Variants in MARCHF6 observed in about 807,000 individuals in gnomAD.
MARCHF6 encodes the protein E3 ubiquitin-protein ligase MARCHF6.
In MARCHF6, 31 loss-of-function variants were observed where a neutral mutation model predicts 133.7. The observed-to-expected ratio is 0.23, with a 90% CI of 0.17 to 0.31. The LOEUF (loss-of-function observed/expected upper bound fraction) is 0.31. Among genes scored for constraint, MARCHF6 ranks in the 10% least tolerant of loss-of-function variants. MARCHF6 has a pLI of 1.00. For missense variants in MARCHF6, 723 were observed against 1,121.6 expected (o/e 0.64, Z 5.08); for synonymous variants, 395 against 402.5 (o/e 0.98, Z 0.22).
rs780582814 is a variant in MARCHF6 at position 10,405,680 on chromosome 5, A to G, written c.1452+3A>G. 6.3e-7 allele frequency: 1 copy of G among 1,581,814 alleles called. No individual in the cohort carries two copies. The highest frequency in any genetic ancestry group is 2.0e-5 in the Admixed American group (1 of 50,656). On this transcript the variant is annotated splice_donor_region_variant and intron_variant, in intron 16 of 25. Transcript: ENST00000274140. ...TCCGAAGATTTATTTTGTCAGTGGT[A>G]AGAAGATGTTTCCATTGTTTTTTTT...
intron 11 of MARCHF6, chr5:10,401,142 T>TCTTTCC: frequency 3.6e-6 from 1 of 278,642 alleles, no homozygotes; most frequent in Non-Finnish European, 6.8e-6. Flanking sequence ...TATGTTCTCT[T>TCTTTCC]CTTTCCCTTT....
chr5:10,356,696 G>T (rs1224055712), intron 1 of MARCHF6, among the ~76,000 whole-genome samples: 1 of 151,968 alleles, frequency 6.6e-6, no homozygotes, highest in African/African-American at 2.4e-5. Flanking sequence ...GTTCCTGGCC[G>T]GTTCTCTGTC....
rs1168412414 is a variant in MARCHF6 at position 10,436,638 on chromosome 5, C to G, written c.*2954C>G. On this transcript the variant is annotated 3_prime_UTR_variant, in exon 26 of 26. Transcript: ENST00000274140. ...GTGATAGTTTTACATGACCAGTTAT[C>G]AAACGGTCATAGTATGAAGTGTGCA... 6.6e-6 allele frequency: 1 copy of G among 152,108 alleles called. No individual in the cohort carries two copies. The highest frequency in any genetic ancestry group is 2.4e-5 in the African/African-American group (1 of 41,430). The allele number at this position is 152,108 out of a possible 1,614,324, so 9.4% of individuals were successfully genotyped here.
intron 21 of MARCHF6, 124 bp from the exon 22 acceptor site, chr5:10,417,146 C>T: frequency 9.3e-7 from 1 of 1,078,380 alleles, no homozygotes; most frequent in Non-Finnish European, 1.3e-6. Flanking sequence ...TAAAACCAGT[C>T]CCCGTGGATA....
chr5:10,429,870 G>A, intron 24 of MARCHF6, 23 bp from the exon 25 acceptor site: 2 of 1,603,390 alleles, frequency 1.2e-6, no homozygotes, highest in Non-Finnish European at 1.7e-6. Context: ...TACACTGAAA[G>A]TTTTTCTTTT....
chr5:10,391,372 A>G (rs977603801), intron 6 of MARCHF6, among the ~76,000 whole-genome samples, 170 bp from the exon 7 acceptor site: 4 of 149,736 alleles, frequency 2.7e-5, no homozygotes, highest in East Asian at 2.0e-4. Context: ...AGCTCAAGCA[A>G]TCTGCCTGCC....
At position 10,426,437 on chromosome 5, in the gene MARCHF6, T is replaced by C. The variant is rs1411212986; in HGVS notation, c.2421T>C (p.Arg807=). 3.1e-6 allele frequency: 5 copies of C among 1,614,072 alleles called. No homozygotes were observed. Among genetic ancestry groups the C allele is most frequent in the Non-Finnish European group, 2.5e-6 (3 of 1,180,024 alleles). ...IRNIDLHYIV[R]KLAAPVISVL... The stretch of plus-strand genomic sequence containing the variant: ...ACATTGACCTTCACTATATTGTTCG[T>C]AAACTGGCAGCTCCCGTGATCTCTG... The change falls in exon 24 of 26, where the codon CGT becomes CGC. Residue 807 remains arginine, a synonymous_variant. Transcript: ENST00000274140.
At chr5:10,414,205 A>G (rs1739381500) in intron 19 of MARCHF6, among the ~76,000 whole-genome samples, 1 of 152,040 alleles carries the variant, frequency 6.6e-6, no homozygotes, top group Non-Finnish European at 1.5e-5. Context: ...AACATTTGCC[A>G]TTTACTTGTG....
At chr5:10,391,466 G>C in intron 6 of MARCHF6, 76 bp from the exon 7 acceptor site, 1 of 116,762 alleles carries the variant, frequency 8.6e-6, no homozygotes, top group Non-Finnish European at 1.5e-5. Flanking sequence ...TTTTTTTTTA[G>C]CAGGAATAAT....
chr5:10,424,355 G>A (rs1391563998), intron 23 of MARCHF6, among the ~76,000 whole-genome samples: 4 of 152,098 alleles, frequency 2.6e-5, no homozygotes, highest in Non-Finnish European at 5.9e-5. Context: ...CTCTTCAGTG[G>A]GTAATCTTTG....
rs1160818366 is a variant in MARCHF6 at position 10,381,797 on chromosome 5, TAG to T, written c.191-2_191-1del. ...ACTGTAAGTACTTTTTTTCCGCTTA[TAG>T]TTTATTCTCCAGATATGCCTTCACG... On this transcript the variant is annotated splice_acceptor_variant, in intron 3 of 25. Transcript: ENST00000274140. LOFTEE classifies it high-confidence loss of function. 5 of 1,586,616 alleles carry T rather than the reference TAG, an allele frequency of 3.2e-6. No homozygotes were observed. Among genetic ancestry groups the T allele is most frequent in the Middle Eastern group, 1.7e-4 (1 of 5,990 alleles).
intron 6 of MARCHF6, among the ~76,000 whole-genome samples, chr5:10,390,727 T>TG (rs1162091736): frequency 5.3e-5 from 8 of 152,288 alleles, no homozygotes; most frequent in Middle Eastern, 3.4e-3. Context: ...GGAACAGCGT[T>TG]GGGGGGTATA....
intron 17 of MARCHF6, among the ~76,000 whole-genome samples, chr5:10,408,988 T>A (rs938708302): frequency 1.3e-5 from 2 of 152,166 alleles, no homozygotes; most frequent in African/African-American, 4.8e-5. Context: ...TTTTTTAATT[T>A]AAAAAAATAT....
intron 1 of MARCHF6, among the ~76,000 whole-genome samples, chr5:10,367,771 A>T (rs2640713): frequency 0.83 from 125,816 of 151,930 alleles, 53,294 homozygotes; most frequent in Non-Finnish European, 0.9. Flanking sequence ...GCTTTTTTTT[A>T]ATTAAAAAAA....
chr5:10,402,594 A>C lies in MARCHF6; in HGVS notation c.1184A>C (p.Asp395Ala). The change falls in exon 14 of 26, where the codon GAT (aspartate) becomes GCT (alanine). Residue 395 changes from aspartate to alanine, a missense_variant. Physicochemically the swap from Asp to Ala is moderately radical, Grantham distance 126 (BLOSUM62 -2). Coordinates refer to ENST00000274140, the MANE Select transcript of MARCHF6 (RefSeq NM_005885.4). ...CCTCTCATTTGTGGTTGGTGGCTGG[A>C]TATCTGTTCCTTGGTAAGTTGAGTA... ...VFPLICGWWL[D>A]ICSLEMFDAT... 1 of 1,613,274 alleles carries C rather than the reference A, an allele frequency of 6.2e-7. No individual in the cohort carries two copies. The highest frequency in any genetic ancestry group is 8.5e-7 in the Non-Finnish European group (1 of 1,179,318).
At chr5:10,382,662 A>C (rs1737228848) in intron 4 of MARCHF6, among the ~76,000 whole-genome samples, 1 of 152,068 alleles carries the variant, frequency 6.6e-6, no homozygotes, top group Admixed American at 6.5e-5. Context: ...CCCTAGCTCT[A>C]CTGAAAATAC....
chr5:10,372,476 T>C (rs1736529828), intron 1 of MARCHF6, among the ~76,000 whole-genome samples: 1 of 152,180 alleles, frequency 6.6e-6, no homozygotes, highest in Admixed American at 6.5e-5. Flanking sequence ...TTTAAAGAGT[T>C]ATTAATACTG....
chr5:10,378,000 G>A (rs1002582711), intron 2 of MARCHF6, 106 bp downstream of exon 2: 5 of 667,448 alleles, frequency 7.5e-6, no homozygotes, highest in Non-Finnish European at 1.0e-5. Flanking sequence ...ATTTTTAAAA[G>A]TTTTATTGTA....
chr5:10,392,889 T>C (rs1041743068), intron 7 of MARCHF6, among the ~76,000 whole-genome samples: 1 of 152,200 alleles, frequency 6.6e-6, no homozygotes, highest in East Asian at 1.9e-4. Context: ...CTGATATTTT[T>C]GTGTCTCTTT....
Sources: gnomAD v4.1 joint callset for allele counts (sites outside exome capture counted in the v4.1 genomes callset) on GRCh38, gnomAD v4.1.1 for gene constraint, MANE v1.5 for transcripts, NCBI Gene and HGNC (gene_info 2026-07-23, HGNC 2026-07-21) for gene names.